Variants in MAP4K4 observed in about 807,000 individuals in gnomAD.
The protein encoded by MAP4K4 is mitogen-activated protein kinase kinase kinase kinase 4.
Under a neutral mutation model 189.6 loss-of-function variants are expected in MAP4K4, and 38 were observed. The observed-to-expected ratio is 0.20, with a 90% CI of 0.15 to 0.26. The LOEUF (loss-of-function observed/expected upper bound fraction) is 0.26, where lower values mean the gene tolerates loss of function less well. Among genes scored for constraint, MAP4K4 ranks in the 10% least tolerant of loss-of-function variants. The pLI is 1.00. For missense variants in MAP4K4, 1,054 were observed against 1,726.9 expected, an observed-to-expected ratio of 0.61 and a Z score of 6.91; for synonymous variants, 610 against 624.3, an observed-to-expected ratio of 0.98 and a Z score of 0.34.
At chr2:101,849,701 T>G (rs1295951431) in intron 12 of MAP4K4, among the ~76,000 whole-genome samples, 2 of 151,572 alleles carry the variant, frequency 1.3e-5, no homozygotes, top group Non-Finnish European at 2.9e-5. Flanking sequence ...ACTCACACAT[T>G]TGGTTAGCAT....
chr2:101,884,589 A>G (rs1056679598), intron 28 of MAP4K4, among the ~76,000 whole-genome samples: 1 of 152,220 alleles, frequency 6.6e-6, no homozygotes. Context: ...CCCTGGGAGT[A>G]CTTGTTTTGG....
At chr2:101,751,340 A>G (rs1291434963) in intron 2 of MAP4K4, among the ~76,000 whole-genome samples, 1 of 152,210 alleles carries the variant, frequency 6.6e-6, no homozygotes, top group African/African-American at 2.4e-5. Context: ...TTACTTTTAT[A>G]CAACAGAGAG....
At chr2:101,761,578 G>A (rs1180331673) in intron 2 of MAP4K4, among the ~76,000 whole-genome samples, 6 of 146,426 alleles carry the variant, frequency 4.1e-5, no homozygotes, top group African/African-American at 1.5e-4. Context: ...CTTTTGAGAC[G>A]AAGTCTCTCT....
At chr2:101,854,592 C>T (rs2097389713) in intron 12 of MAP4K4, among the ~76,000 whole-genome samples, 1 of 152,184 alleles carries the variant, frequency 6.6e-6, no homozygotes, top group Non-Finnish European at 1.5e-5. Flanking sequence ...AAAGATACTA[C>T]TTTACATTTC....
intron 27 of MAP4K4, among the ~76,000 whole-genome samples, chr2:101,881,722 A>C (rs1467743399): frequency 1.3e-5 from 2 of 152,112 alleles, no homozygotes; most frequent in Non-Finnish European, 2.9e-5. Context: ...TTTCCCTGAA[A>C]GTTTTTATTA....
chr2:101,723,571 G>C (rs888866812), intron 2 of MAP4K4, among the ~76,000 whole-genome samples: 3 of 152,214 alleles, frequency 2.0e-5, no homozygotes, highest in Admixed American at 6.5e-5. Flanking sequence ...GCCTTGAGTG[G>C]CTGAGCTCCT....
At chr2:101,816,293 C>CT (rs973247327) in intron 3 of MAP4K4, among the ~76,000 whole-genome samples, 1 of 152,150 alleles carries the variant, frequency 6.6e-6, no homozygotes, top group Non-Finnish European at 1.5e-5. Flanking sequence ...TCCCTTCATT[C>CT]TTTTTTATTG....
intron 2 of MAP4K4, among the ~76,000 whole-genome samples, chr2:101,777,908 G>A (rs1297870547): frequency 6.6e-6 from 1 of 152,218 alleles, no homozygotes; most frequent in African/African-American, 2.4e-5. Flanking sequence ...CTTCAGTTTA[G>A]TGGCAGAGCA....
intron 2 of MAP4K4, among the ~76,000 whole-genome samples, chr2:101,780,434 A>G (rs1558886958): frequency 6.6e-6 from 1 of 152,240 alleles, no homozygotes; most frequent in Non-Finnish European, 1.5e-5. Context: ...GTCACATGGG[A>G]GAAATGTGGA....
At position 101,713,359 on chromosome 2, in the gene MAP4K4, C is replaced by A. The variant is rs907365096; in HGVS notation, c.123+14821C>A. Among the ~76,000 whole-genome samples, 3 of 152,116 alleles carry A rather than the reference C, an allele frequency of 2.0e-5. No homozygotes were observed. In the South Asian group the frequency reaches 6.2e-4, roughly 32 times the overall value. On this transcript the variant is annotated intron_variant, in intron 2 of 32. Coordinates refer to ENST00000324219, the Ensembl canonical transcript of MAP4K4. Reference sequence around the variant, plus strand: ...CCTGTAGTCCCAGCACTTTGGGAGGCTTAGGTGGGCGGATCTTTTGAGGTC... The same window carrying A: ...CCTGTAGTCCCAGCACTTTGGGAGGATTAGGTGGGCGGATCTTTTGAGGTC...
At chr2:101,885,104 T>A (rs2098462372) in intron 28 of MAP4K4, 83 bp from the exon 29 acceptor site, 2 of 594,656 alleles carry the variant, frequency 3.4e-6, no homozygotes, top group Non-Finnish European at 5.8e-6. Context: ...TTATAAAGTT[T>A]GCAGAAGACA....
At chr2:101,725,115 C>T (rs1324481118) in intron 2 of MAP4K4, among the ~76,000 whole-genome samples, 2 of 152,140 alleles carry the variant, frequency 1.3e-5, no homozygotes, top group Non-Finnish European at 2.9e-5. Flanking sequence ...TTTCACAGAA[C>T]GTGTCCTCAT....
exon 26 of MAP4K4, chr2:101,874,122 G>C: frequency 1.2e-6 from 2 of 1,613,848 alleles, no homozygotes. Flanking sequence ...AAGCCATAAG[G>C]CAAGATCCTA....
intron 4 of MAP4K4, among the ~76,000 whole-genome samples, chr2:101,824,674 A>G (rs1055456420): frequency 6.6e-6 from 1 of 152,214 alleles, no homozygotes; most frequent in Non-Finnish European, 1.5e-5. Flanking sequence ...AAAGGCTATT[A>G]CAGAAAACAT....
chr2:101,698,371 C>A, intron 1 of MAP4K4, 102 bp from the exon 2 acceptor site: 1 of 1,147,450 alleles, frequency 8.7e-7, no homozygotes. Context: ...GGGGCGAAGC[C>A]CACCTCTTTT....
At chr2:101,784,573 T>C (rs2089676012) in intron 2 of MAP4K4, among the ~76,000 whole-genome samples, 1 of 152,170 alleles carries the variant, frequency 6.6e-6, no homozygotes, top group South Asian at 2.1e-4. Context: ...TAAAAGCCTC[T>C]TACAGTTTCA....
At chr2:101,713,139 A>G (rs1323248563) in intron 2 of MAP4K4, among the ~76,000 whole-genome samples, 1 of 151,418 alleles carries the variant, frequency 6.6e-6, no homozygotes, top group Admixed American at 6.6e-5. Flanking sequence ...TCCTGACCTC[A>G]GGTGATCCAC....
intron 18 of MAP4K4, among the ~76,000 whole-genome samples, 156 bp from the exon 19 acceptor site, chr2:101,866,272 C>T (rs1460606497): frequency 2.0e-5 from 3 of 152,082 alleles, no homozygotes; most frequent in Non-Finnish European, 4.4e-5. Context: ...GTCATTATAT[C>T]TTTTGGTGAA....
At position 101,825,313 on chromosome 2, in the gene MAP4K4, C is replaced by T; in HGVS notation, c.307-6C>T. 6.3e-7 allele frequency: 1 copy of T among 1,592,278 alleles called. No homozygotes were observed. The highest frequency in any genetic ancestry group is 8.6e-7 in the Non-Finnish European group (1 of 1,162,082). ...TTGCTCACCTTGTGTCTTGTCTGCCCTATAGCTTGTTATGGAGTTCTGTGG... is the reference window on the plus strand; with the variant it reads ...TTGCTCACCTTGTGTCTTGTCTGCCTTATAGCTTGTTATGGAGTTCTGTGG... On this transcript the variant is annotated splice_polypyrimidine_tract_variant and splice_region_variant and intron_variant, in intron 4 of 32. Coordinates refer to ENST00000324219, the Ensembl canonical transcript of MAP4K4.
Sources: gnomAD v4.1 joint callset for allele counts (sites outside exome capture counted in the v4.1 genomes callset) on GRCh38, gnomAD v4.1.1 for gene constraint, MANE v1.5 for transcripts, NCBI Gene and HGNC (gene_info 2026-07-23, HGNC 2026-07-21) for gene names.